XCR1: variants seen among roughly 807,000 people sequenced by gnomAD.
XCR1 encodes the protein chemokine XC receptor 1.
For missense variants in XCR1, 356 were observed against 424.2 expected (o/e 0.84, Z 1.41); for synonymous variants, 187 against 188.5 (o/e 0.99, Z 0.06).
intron 3 of XCR1, among the ~76,000 whole-genome samples, chr3:46,074,098 A>T (rs9311387): frequency 3.3e-5 from 5 of 151,942 alleles, no homozygotes; most frequent in African/African-American, 1.2e-4. Flanking sequence ...AAAAGAAAAT[A>T]GTTATATCAG....
intron 5 of XCR1, among the ~76,000 whole-genome samples, chr3:46,050,936 A>T (rs1428249129): frequency 2.0e-5 from 3 of 152,146 alleles, no homozygotes; most frequent in Non-Finnish European, 4.4e-5. Context: ...TGGAATAACA[A>T]ATACCGGTGA....
At chr3:46,058,673 G>T (rs1442467953) in intron 4 of XCR1, among the ~76,000 whole-genome samples, 1 of 152,122 alleles carries the variant, frequency 6.6e-6, no homozygotes, top group Admixed American at 6.6e-5. Flanking sequence ...TCAGCCTCCT[G>T]AGTAGTTGTA....
chr3:46,023,975 G>T, intron 1 of XCR1: 3 of 1,451,252 alleles, frequency 2.1e-6, no homozygotes, highest in Non-Finnish European at 2.9e-6. Flanking sequence ...TCAGAATTAC[G>T]GAGCTTGCCG....
At chr3:46,079,441 AC>A (rs1698318378) in intron 1 of XCR1, among the ~76,000 whole-genome samples, 1 of 152,172 alleles carries the variant, frequency 6.6e-6, no homozygotes, top group Admixed American at 6.5e-5. Context: ...CAAGAGGTAA[AC>A]AAAAAGATCC....
chr3:46,037,470 AT>A (rs1697450364), intron 5 of XCR1, among the ~76,000 whole-genome samples: 1 of 152,156 alleles, frequency 6.6e-6, no homozygotes, highest in Non-Finnish European at 1.5e-5. Context: ...TGTATGGTGA[AT>A]TTTTGTCCTA....
upstream of XCR1, among the ~76,000 whole-genome samples, chr3:46,029,155 A>G (rs578137201): frequency 6.6e-6 from 1 of 152,284 alleles, no homozygotes; most frequent in Admixed American, 6.5e-5. Context: ...GGAGACATAT[A>G]GATCAATGAA....
upstream of XCR1, among the ~76,000 whole-genome samples, chr3:46,030,259 G>A (rs992642714): frequency 1.3e-5 from 2 of 152,142 alleles, no homozygotes; most frequent in Admixed American, 6.5e-5. Context: ...TAGGAGAAAA[G>A]CTTCTAGTCT....
intron 4 of XCR1, among the ~76,000 whole-genome samples, chr3:46,061,249 C>T (rs13316935): frequency 0.01 from 1,552 of 152,312 alleles, 31 homozygotes; most frequent in African/African-American, 0.034. Flanking sequence ...TGGCTGATCA[C>T]TCTGGGGAAT....
intron 3 of XCR1, among the ~76,000 whole-genome samples, chr3:46,069,889 G>A (rs2125902545): frequency 6.7e-6 from 1 of 148,174 alleles, no homozygotes; most frequent in South Asian, 2.1e-4. Context: ...TGTGATGTTA[G>A]GTTGTTAATT....
At chr3:46,029,790 A>G (rs1708364779), upstream of XCR1, among the ~76,000 whole-genome samples, 1 of 152,180 alleles carries the variant, frequency 6.6e-6, no homozygotes, top group African/African-American at 2.4e-5. Flanking sequence ...GGGTCTTCCA[A>G]TCCGGGAACA....
In XCR1 at chr3:46,038,600, C is replaced by A. The variant is rs755108428; in HGVS notation, c.-32+15320G>T. ...TGTTTATCCAGAATTCCTAGGCTAC[C>A]TTTGTCAAGCCTCCAAAAATTAATA... On this transcript the variant is annotated intron_variant, in intron 5 of 5. Transcript: ENST00000683768. Among the ~76,000 whole-genome samples the A allele has an allele frequency of 3.3e-5, 5 of 152,202 alleles. No homozygotes were observed. The South Asian group carries it at 8.3e-4, about 25-fold the overall frequency.
intron 4 of XCR1, among the ~76,000 whole-genome samples, chr3:46,059,837 A>T (rs1303101176): frequency 6.6e-6 from 1 of 152,230 alleles, no homozygotes; most frequent in Non-Finnish European, 1.5e-5. Context: ...GTCTATATTT[A>T]TATCTATATC....
At chr3:46,034,249 G>A (rs1697375739) in intron 5 of XCR1, among the ~76,000 whole-genome samples, 1 of 152,216 alleles carries the variant, frequency 6.6e-6, no homozygotes, top group Admixed American at 6.5e-5. Context: ...TGGGATTACA[G>A]GTGTGAGCCA....
intron 5 of XCR1, among the ~76,000 whole-genome samples, chr3:46,033,317 G>A (rs1272793223): frequency 6.6e-6 from 1 of 152,150 alleles, no homozygotes; most frequent in Non-Finnish European, 1.5e-5. Flanking sequence ...TTGTACATTT[G>A]CATTTTGCAT....
At chr3:46,030,579 T>A (rs532641952), upstream of XCR1, among the ~76,000 whole-genome samples, 2 of 152,274 alleles carry the variant, frequency 1.3e-5, no homozygotes, top group African/African-American at 2.4e-5. Context: ...GGTTTTTGTT[T>A]ACACATAGTT....
At chr3:46,059,636 T>A (rs1164737989) in intron 4 of XCR1, among the ~76,000 whole-genome samples, 2 of 152,244 alleles carry the variant, frequency 1.3e-5, no homozygotes, top group Admixed American at 1.3e-4. Flanking sequence ...CGTATTCCAT[T>A]TCCCACTTTT....
chr3:46,019,855 G>A lies in XCR1; in HGVS notation c.*1091C>T, dbSNP rs1249127610. On this transcript the variant is annotated 3_prime_UTR_variant, in exon 2 of 2. Coordinates refer to ENST00000309285, the MANE Select transcript of XCR1 (RefSeq NM_001024644.2). ...GAGAGGAGCAGTGGGGAGATGCCAA[G>A]GAAGTGAGGCCCTGTTTCAGGGATG... The A allele has an allele frequency of 1.3e-5, 2 of 152,372 alleles. No homozygotes were observed. Among genetic ancestry groups the A allele is most frequent in the African/African-American group, 4.8e-5 (2 of 41,450 alleles). 9.4% of individuals were successfully genotyped at this position (152,372 alleles called of 1,614,324 possible).
intron 5 of XCR1, among the ~76,000 whole-genome samples, chr3:46,039,725 C>T (rs1253319951): frequency 1.3e-5 from 2 of 152,164 alleles, no homozygotes; most frequent in African/African-American, 4.8e-5. Flanking sequence ...TAAAACTATT[C>T]CATCCCTCTA....
At chr3:46,050,968 G>A (rs1226557676) in intron 5 of XCR1, among the ~76,000 whole-genome samples, 1 of 152,116 alleles carries the variant, frequency 6.6e-6, no homozygotes, top group Admixed American at 6.5e-5. Flanking sequence ...TGACTTTTCT[G>A]TATGTCCTGC....
Sources: gnomAD v4.1 joint callset for allele counts (sites outside exome capture counted in the v4.1 genomes callset) on GRCh38, gnomAD v4.1.1 for gene constraint, MANE v1.5 for transcripts, NCBI Gene and HGNC (gene_info 2026-07-23, HGNC 2026-07-21) for gene names.